The following BANK1 variants were observed in gnomAD, a reference collection of about 807,000 sequenced individuals.
BANK1 encodes B cell scaffold protein with ankyrin repeats 1.
Under a neutral mutation model 94.5 loss-of-function variants are expected in BANK1, and 95 were observed. The observed-to-expected ratio is 1.00, with a 90% CI of 0.85 to 1.19. The LOEUF (loss-of-function observed/expected upper bound fraction) is 1.19. Among genes scored for constraint, BANK1 ranks in the 50% most tolerant of loss-of-function variants. The pLI is 0.00. For synonymous variants in BANK1, 334 were observed against 308.4 expected, an observed-to-expected ratio of 1.08 and a Z score of -0.87; for missense variants, 987 against 932.2, an observed-to-expected ratio of 1.06 and a Z score of -0.77.
At chr4:101,800,782 T>A (rs28622578) in intron 1 of BANK1, among the ~76,000 whole-genome samples, 10,469 of 152,170 alleles carry the variant, frequency 0.069, 1,162 homozygotes, top group African/African-American at 0.24. Flanking sequence ...TTTGAGATGG[T>A]TTCTCGCTCT....
chr4:101,799,329 T>C (rs933354708), intron 1 of BANK1, among the ~76,000 whole-genome samples: 6 of 152,296 alleles, frequency 3.9e-5, no homozygotes, highest in African/African-American at 1.4e-4. Context: ...ATATCTCTGT[T>C]TTGGTACCAG....
intron 1 of BANK1, 144 bp downstream of exon 1, chr4:101,791,094 C>A: frequency 1.4e-6 from 1 of 692,918 alleles, no homozygotes; most frequent in Non-Finnish European, 2.3e-6. Flanking sequence ...TTTATCCTGC[C>A]GCCAGGCAGC....
At chr4:101,883,789 TA>T (rs1210142225) in intron 5 of BANK1, among the ~76,000 whole-genome samples, 1 of 152,214 alleles carries the variant, frequency 6.6e-6, no homozygotes, top group Non-Finnish European at 1.5e-5. Flanking sequence ...CAAACACAGT[TA>T]ATAATGTTTC....
intron 1 of BANK1, among the ~76,000 whole-genome samples, chr4:101,829,350 TTC>T (rs1000720970): frequency 1.3e-5 from 2 of 152,122 alleles, no homozygotes; most frequent in Non-Finnish European, 2.9e-5. Flanking sequence ...ACTGAATCTT[TTC>T]TGTTTTTGAC....
intron 6 of BANK1, among the ~76,000 whole-genome samples, chr4:101,904,209 G>A (rs568345310): frequency 6.6e-6 from 1 of 152,174 alleles, no homozygotes; most frequent in Non-Finnish European, 1.5e-5. Flanking sequence ...ACTACTAAAG[G>A]CCAGTTTTTT....
At chr4:101,848,176 A>T (rs554529348) in intron 2 of BANK1, among the ~76,000 whole-genome samples, 1 of 152,058 alleles carries the variant, frequency 6.6e-6, no homozygotes, top group Non-Finnish European at 1.5e-5. Context: ...TCTCTTTCCC[A>T]CTTCCGCAGT....
Position 102,060,308 on chromosome 4 carries a change from TG to T in BANK1, c.2070del (p.Met692CysfsTer22). 6.2e-7 allele frequency: 1 copy of T among 1,610,442 alleles called. No homozygotes were observed. Among genetic ancestry groups the T allele is most frequent in the Non-Finnish European group, 8.5e-7 (1 of 1,178,804 alleles). Reference sequence around the variant, plus strand: ...TCCTCCTGCAGGAGAAAGTAAAGAATGGGAAAATGTCTATGGATGAAGCTCT... The same window carrying T: ...TCCTCCTGCAGGAGAAAGTAAAGAATGGAAAATGTCTATGGATGAAGCTCT... ...LILLQEKVKN[G>X]KMSMDEALEK... is the part of the protein sequence containing the mutation. On this transcript the variant is annotated frameshift_variant, in exon 12 of 17. Coordinates refer to ENST00000322953, the MANE Select transcript of BANK1 (RefSeq NM_017935.5). LOFTEE classifies it high-confidence loss of function.
At position 101,862,612 on chromosome 4, in the gene BANK1, T is replaced by C; in HGVS notation, c.711T>C (p.Ile237=). The change falls in exon 4 of 17, where the codon ATT becomes ATC. Residue 237 remains isoleucine, a synonymous_variant. Transcript: ENST00000322953. ...EVEFTSSNKR[I]RTRPALWNKK... ...AATTTACATCAAGTAATAAGCGCAT[T>C]AGAACACGGCCAGCCCTTTGGAATA... 1.2e-6 allele frequency: 2 copies of C among 1,611,520 alleles called. No individual in the cohort carries two copies. Among genetic ancestry groups the C allele is most frequent in the Non-Finnish European group, 8.5e-7 (1 of 1,178,760 alleles).
chr4:101,910,812 A>C (rs1411865942), intron 6 of BANK1, among the ~76,000 whole-genome samples: 2 of 152,102 alleles, frequency 1.3e-5, no homozygotes, highest in African/African-American at 4.8e-5. Context: ...GCTTACAAAA[A>C]GTTTAATATA....
chr4:102,011,986 A>C (rs1726527006), intron 7 of BANK1, among the ~76,000 whole-genome samples: 1 of 152,188 alleles, frequency 6.6e-6, no homozygotes, highest in African/African-American at 2.4e-5. Context: ...GAAGAGATGA[A>C]TATGATGGCT....
In BANK1 at chr4:101,908,710, G is replaced by GA. The variant is rs1319530079; in HGVS notation, c.1010-9276dup. Among the ~76,000 whole-genome samples the GA allele has an allele frequency of 1.2e-4, 18 of 152,056 alleles. No homozygotes were observed. The East Asian group carries it at 2.9e-3, about 24-fold the overall frequency. On this transcript the variant is annotated intron_variant, in intron 6 of 16. Coordinates refer to ENST00000322953, the MANE Select transcript of BANK1 (RefSeq NM_017935.5). ...ACAATGAACTCAAACAAATTTACAAGAAAAAAACAAACAACCCCATCAAAA... is the reference window on the plus strand; with the variant it reads ...ACAATGAACTCAAACAAATTTACAAGAAAAAAAACAAACAACCCCATCAAAA...
intron 3 of BANK1, among the ~76,000 whole-genome samples, chr4:101,859,810 G>A (rs1727802596): frequency 6.6e-6 from 1 of 152,092 alleles, no homozygotes; most frequent in Admixed American, 6.6e-5. Context: ...ATTTTTGAAA[G>A]GTGCTACGAT....
At chr4:102,044,037 T>G in intron 11 of BANK1, 130 bp downstream of exon 11, 1 of 498,008 alleles carries the variant, frequency 2.0e-6, no homozygotes. Context: ...CTCTTTTTTT[T>G]ATTATTATTA....
At chr4:101,841,927 T>A (rs1257365088) in intron 2 of BANK1, among the ~76,000 whole-genome samples, 1 of 151,988 alleles carries the variant, frequency 6.6e-6, no homozygotes, top group Non-Finnish European at 1.5e-5. Context: ...AATATGTTGA[T>A]GTAGGGAGGA....
chr4:101,801,399 T>A (rs902407667), intron 1 of BANK1, among the ~76,000 whole-genome samples: 2 of 152,232 alleles, frequency 1.3e-5, no homozygotes, highest in African/African-American at 4.8e-5. Flanking sequence ...GTGATTTGAA[T>A]TAAATTTTCT....
At chr4:101,932,548 A>G (rs936732002) in intron 7 of BANK1, among the ~76,000 whole-genome samples, 5 of 151,520 alleles carry the variant, frequency 3.3e-5, no homozygotes, top group African/African-American at 1.2e-4. Flanking sequence ...AGAGACAGCT[A>G]TCACCCTATT....
At chr4:101,850,257 GT>G (rs1225255635) in intron 2 of BANK1, among the ~76,000 whole-genome samples, 1 of 151,850 alleles carries the variant, frequency 6.6e-6, no homozygotes, top group African/African-American at 2.4e-5. Context: ...CTTTTTGTTT[GT>G]TTGTTTGTTT....
In BANK1 at chr4:101,995,572, A is replaced by G. The variant is rs546417320; in HGVS notation, c.1207-25942A>G. On this transcript the variant is annotated intron_variant, in intron 7 of 16. Coordinates refer to ENST00000322953, the MANE Select transcript of BANK1 (RefSeq NM_017935.5). ...TTTACAGTCCCACCAACAGTGTAAA[A>G]GTGTTCCTATTTCTCCACATCCTCT... 7.4e-4 allele frequency among the ~76,000 whole-genome samples: 113 copies of G among 152,268 alleles called. 1 individual carries two copies. Among genetic ancestry groups the G allele is most frequent in the African/African-American group, 2.6e-3 (108 of 41,530 alleles).
intron 3 of BANK1, among the ~76,000 whole-genome samples, chr4:101,860,117 A>C (rs1727812415): frequency 6.6e-6 from 1 of 152,170 alleles, no homozygotes; most frequent in African/African-American, 2.4e-5. Flanking sequence ...TAGAAGGAGA[A>C]AAGGAATTAA....
Sources: allele counts gnomAD v4.1 joint callset (sites outside exome capture counted in the v4.1 genomes callset), GRCh38; gene constraint gnomAD v4.1.1; transcripts MANE v1.5; gene names NCBI Gene and HGNC (gene_info 2026-07-23, HGNC 2026-07-21).